CUL7: variants seen among roughly 807,000 people sequenced by gnomAD.
The protein encoded by CUL7 is cullin-7.
In CUL7, 96 loss-of-function variants were observed where a neutral mutation model predicts 177.7. The observed-to-expected ratio is 0.54, with a 90% CI of 0.46 to 0.64. The LOEUF is 0.64. Among genes scored for constraint, CUL7 ranks in the 30% least tolerant of loss-of-function variants. The probability of loss-of-function intolerance (pLI) is 0.00; values close to 1 mark genes in which losing one functional copy is unlikely to be tolerated. For synonymous variants in CUL7, 824 were observed against 890.2 expected (o/e 0.93, Z 1.32); for missense variants, 1,893 against 2,187.9 (o/e 0.87, Z 2.69).
chr6:43,037,729 C>T lies in CUL7; in HGVS notation c.5056G>A (p.Ala1686Thr), dbSNP rs1291246136. The change falls in exon 26 of 26, where the codon GCC becomes ACC. Residue 1686 changes from alanine (A) to threonine (T), a missense_variant. Around this residue, in one of 5 missense-constraint regions of CUL7, gnomAD observed 248 missense variants for 262.5 expected, o/e 0.94. Transcript: ENST00000265348. ...AAGCTCTGGGTGGCAGTGCAGGAGG[C>T]ATAGGGCACACCCCGGGAGCGAATC... ...LQIRSRGVPY[A>T]SCTATQSFST... The T allele has an allele frequency of 6.4e-7, 1 of 1,566,118 alleles. No individual in the cohort carries two copies. Among genetic ancestry groups the T allele is most frequent in the South Asian group, 1.2e-5 (1 of 85,260 alleles).
At chr6:43,046,112 C>A (rs1763879362) in intron 12 of CUL7, 21 bp from the exon 13 acceptor site, 4 of 1,613,372 alleles carry the variant, frequency 2.5e-6, no homozygotes, top group Non-Finnish European at 3.4e-6. Context: ...GGAGGAAAAA[C>A]CATTTGGAAC....
intron 19 of CUL7, 73 bp downstream of exon 19, chr6:43,042,729 G>A: frequency 3.2e-6 from 3 of 938,186 alleles, no homozygotes; most frequent in South Asian, 2.7e-5. Flanking sequence ...GGAAGGGTGG[G>A]TCATTTGGAG....
rs201130952 is a variant in CUL7 at position 43,045,630 on chromosome 6, C to T, written c.2819G>A (p.Arg940His). 1.6e-4 allele frequency: 258 copies of T among 1,614,076 alleles called. No individual in the cohort carries two copies. Among genetic ancestry groups the T allele is most frequent in the Non-Finnish European group, 2.0e-4 (233 of 1,180,046 alleles). The change falls in exon 14 of 26, where the codon CGC becomes CAC. Residue 940 changes from arginine to histidine, a missense_variant. Around this residue, in one of 5 missense-constraint regions of CUL7, gnomAD observed 973 missense variants for 1,140.9 expected, o/e 0.85. Transcript: ENST00000265348. This position sits in a 1 kb window ranked among gnomAD's most constrained non-coding sequence, Gnocchi z 4.8. Reference sequence around the variant, plus strand: ...GCGGATCTGGATGATGGGCCAGAAGCGGGTCAGGTTCTCCAGGAGGATCAC... The same window carrying T: ...GCGGATCTGGATGATGGGCCAGAAGTGGGTCAGGTTCTCCAGGAGGATCAC... ...SRVILLENLT[R>H]FWPIIQIRIK...
rs121918229 is a variant in CUL7 at position 43,038,891 on chromosome 6, T to G, written c.4391A>C (p.His1464Pro). ...AELQFGNQTL[H>P]VSTVQMWLLL... ...TAGCCACATCTGCACGGTGGACACA[T>G]GCAGGGTCTGGTTCCCAAACTGCAG... The change falls in exon 23 of 26, where the codon CAT becomes CCT. Residue 1464 changes from histidine to proline, a missense_variant. Coordinates refer to ENST00000265348, the MANE Select transcript of CUL7 (RefSeq NM_014780.5). 3.7e-6 allele frequency: 6 copies of G among 1,614,066 alleles called. No homozygotes were observed. The highest frequency in any genetic ancestry group is 5.1e-6 in the Non-Finnish European group (6 of 1,180,036).
chr6:43,042,839 C>T lies in CUL7; in HGVS notation c.3608G>A (p.Gly1203Glu). 6.2e-7 allele frequency: 1 copy of T among 1,613,778 alleles called. No homozygotes were observed. Among genetic ancestry groups the T allele is most frequent in the Non-Finnish European group, 8.5e-7 (1 of 1,179,792 alleles). ...FLLALQNGCA[G>E]ALLKLPFLKA... ...GAGAAAAGGGAGCTTCAGCAAGGCT[C>T]CCGCACAGCCATTTTGCAGCGCCAG... Residue 1203 changes from glycine to glutamate, a missense_variant, in exon 19 of 26, where the codon GGA becomes GAA. Coordinates refer to ENST00000265348, the MANE Select transcript of CUL7 (RefSeq NM_014780.5).
At chr6:43,048,927 G>A (rs1233372793) in intron 7 of CUL7, among the ~76,000 whole-genome samples, 2 of 151,790 alleles carry the variant, frequency 1.3e-5, no homozygotes, top group South Asian at 2.1e-4. Context: ...CACCACGCCC[G>A]GCTAATTTTT....
rs1439890832 is a variant in CUL7, at chr6:43,038,413, G to A, written c.4627C>T (p.Leu1543Phe). The change falls in exon 25 of 26, where the codon CTC becomes TTC. Residue 1543 changes from leucine (L) to phenylalanine (F), a missense_variant. Leu to Phe is a conservative substitution (Grantham distance 22). Around this residue, in one of 5 missense-constraint regions of CUL7, gnomAD observed 248 missense variants for 262.5 expected, o/e 0.94. Transcript: ENST00000265348. The stretch of plus-strand genomic sequence containing the variant: ...TGCAGGTACGTCTGAGGTGGGATGA[G>A]CCGCACAATGTCCCATCTCGACCTG... ...EPRSRWDIVR[L>F]IPPQTYLQAE... 5 of 1,614,084 alleles carry A rather than the reference G, an allele frequency of 3.1e-6. No homozygotes were observed.
intron 25 of CUL7, 75 bp from the exon 26 acceptor site, chr6:43,038,086 C>A: frequency 6.6e-7 from 1 of 1,525,268 alleles, no homozygotes. Context: ...TCCACTCCAA[C>A]CACCAGCTGC....
Position 43,050,458 on chromosome 6 carries a change from G to A in CUL7, c.1234-60C>T. 1.2e-6 allele frequency: 2 copies of A among 1,605,480 alleles called. No individual in the cohort carries two copies. Among genetic ancestry groups the A allele is most frequent in the East Asian group, 4.5e-5 (2 of 44,828 alleles). ...GGAGGACTCACAAATGACTGGCTGTGGCCCAGTACTGAGGACTATAGCCCT... is the reference window on the plus strand; with the variant it reads ...GGAGGACTCACAAATGACTGGCTGTAGCCCAGTACTGAGGACTATAGCCCT... On this transcript the variant is annotated intron_variant, in intron 4 of 25. Coordinates refer to ENST00000265348, the MANE Select transcript of CUL7 (RefSeq NM_014780.5). The surrounding 1 kb of genome is among the most constrained non-coding windows in gnomAD (Gnocchi z 4.1).
chr6:43,052,398 T>C lies in CUL7; in HGVS notation c.391A>G (p.Thr131Ala), dbSNP rs1764492541. 6.2e-7 allele frequency: 1 copy of C among 1,614,146 alleles called. No homozygotes were observed. The part of the protein sequence containing the change: ...ALRQLEECVG[T>A]IPPAPLLHTV... ...TGAAGTAGAGGAGCAGGAGGGATAG[T>C]GCCCACACACTCCTCCAGCTGCCGA... The change falls in exon 2 of 26, where the codon ACT becomes GCT. Residue 131 changes from threonine to alanine, a missense_variant. Coordinates refer to ENST00000265348, the MANE Select transcript of CUL7 (RefSeq NM_014780.5). This position sits in a 1 kb window ranked among gnomAD's most constrained non-coding sequence, Gnocchi z 4.5.
At position 43,049,673 on chromosome 6, in the gene CUL7, G is replaced by A. The variant is rs763546256; in HGVS notation, c.1570-11C>T. The A allele has an allele frequency of 6.2e-7, 1 of 1,613,866 alleles. No homozygotes were observed. The highest frequency in any genetic ancestry group is 8.5e-7 in the Non-Finnish European group (1 of 1,179,866). The stretch of plus-strand genomic sequence containing the variant: ...CTCATCATCCAGAATCTGCCATCAA[G>A]GAGAAGCTCTCACTGCAGACAGCCC... On this transcript the variant is annotated splice_polypyrimidine_tract_variant and intron_variant, in intron 6 of 25. Coordinates refer to ENST00000265348, the MANE Select transcript of CUL7 (RefSeq NM_014780.5).
rs1367139046 is a variant in CUL7 at position 43,052,641 on chromosome 6, C to G, written c.148G>C (p.Glu50Gln). ...ACTTGGCCAGAGCCCCCGTCCCCCT[C>G]ATCGCCACGCCGCAGGATGAGCCAA... is the stretch of plus-strand genomic sequence containing the variant. ...IRWLILRRGDEGDGGSGQVDC... is the reference protein window; with the variant it reads ...IRWLILRRGDQGDGGSGQVDC... Residue 50 changes from glutamate to glutamine, a missense_variant, in exon 2 of 26, where the codon GAG (glutamate) becomes CAG (glutamine). Around this residue, in one of 5 missense-constraint regions of CUL7, gnomAD observed 653 missense variants for 725.2 expected, o/e 0.90. Coordinates refer to ENST00000265348, the MANE Select transcript of CUL7 (RefSeq NM_014780.5). The surrounding 1 kb of genome is among the most constrained non-coding windows in gnomAD (Gnocchi z 4.5). The G allele has an allele frequency of 6.2e-7, 1 of 1,614,142 alleles. No individual in the cohort carries two copies. The highest frequency in any genetic ancestry group is 8.5e-7 in the Non-Finnish European group (1 of 1,180,052).
intron 7 of CUL7, 30 bp downstream of exon 7, chr6:43,049,377 G>A (rs770200097): frequency 1.2e-6 from 2 of 1,614,038 alleles, no homozygotes; most frequent in Admixed American, 1.7e-5. Flanking sequence ...CTGAAGGTGT[G>A]TCAGCTCAGC....
In CUL7 at chr6:43,051,918, C is replaced by T. The variant is rs568980694; in HGVS notation, c.581-155G>A. ...TAAAATTTGCTAACTTATACACATA[C>T]ACACACACACGCACATAAACACGAT... On this transcript the variant is annotated intron_variant, in intron 2 of 25. Coordinates refer to ENST00000265348, the MANE Select transcript of CUL7 (RefSeq NM_014780.5). The surrounding 1 kb of genome is among the most constrained non-coding windows in gnomAD (Gnocchi z 5.0). 6.6e-6 allele frequency among the ~76,000 whole-genome samples: 1 copy of T among 152,120 alleles called. No individual in the cohort carries two copies. The highest frequency in any genetic ancestry group is 2.4e-5 in the African/African-American group (1 of 41,408).
chr6:43,045,583 C>T lies in CUL7; in HGVS notation c.2862+4G>A. The T allele has an allele frequency of 1.2e-6, 2 of 1,614,152 alleles. No individual in the cohort carries two copies. The highest frequency in any genetic ancestry group is 1.7e-6 in the Non-Finnish European group (2 of 1,180,024). ...AGGGCCACACCCCACATCCCTGGCC[C>T]CACCTGCTGGCAGCGCTTTATGCGG... On this transcript the variant is annotated splice_donor_region_variant and intron_variant, in intron 14 of 25. Transcript: ENST00000265348. The surrounding 1 kb of genome is among the most constrained non-coding windows in gnomAD (Gnocchi z 4.8).
chr6:43,044,285 G>A lies in CUL7; in HGVS notation c.3172+467C>T, dbSNP rs147078965. 1.6e-3 allele frequency among the ~76,000 whole-genome samples: 243 copies of A among 152,202 alleles called. 1 individual carries two copies. The highest frequency in any genetic ancestry group is 0.014 in the Middle Eastern group (4 of 294). ...TGCAGTGAGCCGAGACTGCGCCATT[G>A]CACTCCAGTCTAGGCAACAAGAGCG... On this transcript the variant is annotated intron_variant, in intron 16 of 25. Transcript: ENST00000265348.
At chr6:43,044,562 T>C (rs186931736) in intron 16 of CUL7, among the ~76,000 whole-genome samples, 190 bp downstream of exon 16, 1 of 151,020 alleles carries the variant, frequency 6.6e-6, no homozygotes, top group East Asian at 1.9e-4. Context: ...ACTTATGGTG[T>C]CCCCTGACAC....
rs907770241 is a variant in CUL7, at chr6:43,042,750, AG to A, written c.3645+51del. On this transcript the variant is annotated intron_variant, in intron 19 of 25. Transcript: ENST00000265348. ...GTGGGTCATTTGGAGGAGGTGAGGAAGGGAGAGTTTGTCGGAAGAGACCCAA... is the reference window on the plus strand; with the variant it reads ...GTGGGTCATTTGGAGGAGGTGAGGAAGGAGAGTTTGTCGGAAGAGACCCAA... 14 of 1,199,342 alleles carry A rather than the reference AG, an allele frequency of 1.2e-5. No individual in the cohort carries two copies. The African/African-American group carries it at 1.9e-4, about 17-fold the overall frequency. The allele number at this position is 1,199,342 out of a possible 1,614,324, so 74.3% of individuals were successfully genotyped here. A position where few individuals can be genotyped will look rare whatever the true frequency, so the allele number is the denominator to read the frequency against.
chr6:43,042,077 G>A (rs979577036), intron 19 of CUL7, among the ~76,000 whole-genome samples: 3 of 149,132 alleles, frequency 2.0e-5, no homozygotes, highest in Non-Finnish European at 4.5e-5. Context: ...AAGAGAAGGA[G>A]GGAGGGAGGG....
Sources: gnomAD v4.1 joint callset for allele counts (sites outside exome capture counted in the v4.1 genomes callset) on GRCh38, gnomAD v4.1.1 for gene constraint, gnomAD v4.1.1 regional missense constraint, Gnocchi (gnomAD v3.1) non-coding constraint, MANE v1.5 for transcripts, NCBI Gene and HGNC (gene_info 2026-07-23, HGNC 2026-07-21) for gene names.